Variants in RNF135 observed in about 807,000 individuals in gnomAD.
RNF135 encodes the protein ring finger protein 135.
In RNF135, 46 loss-of-function variants were observed where a neutral mutation model predicts 41.9. That is an observed-to-expected ratio of 1.10 (90% confidence interval 0.87 to 1.40). The LOEUF (loss-of-function observed/expected upper bound fraction) is 1.40. Ranked by LOEUF, RNF135 falls within the 40% of genes most tolerant of loss-of-function variation. The pLI, the probability that RNF135 is intolerant of heterozygous loss-of-function variation, is 0.00. For missense variants in RNF135, 539 were observed against 549.8 expected (o/e 0.98, Z 0.20); for synonymous variants, 238 against 223.8 (o/e 1.06, Z -0.57).
chr17:30,975,560 A>G (rs1398351764), intron 1 of RNF135: 3 of 787,406 alleles, frequency 3.8e-6, no homozygotes, highest in South Asian at 1.3e-5. Context: ...ACACCCAACA[A>G]TACTCCAGGT....
intron 3 of RNF135, chr17:30,993,843 C>T (rs1908154949): frequency 1.1e-5 from 9 of 840,208 alleles, no homozygotes; most frequent in Non-Finnish European, 1.7e-5. Flanking sequence ...GACACAGGTT[C>T]TCTGTTGCCC....
chr17:30,986,360 C>A (rs1254219988), intron 2 of RNF135, among the ~76,000 whole-genome samples: 1 of 152,126 alleles, frequency 6.6e-6, no homozygotes, highest in Non-Finnish European at 1.5e-5. Flanking sequence ...CCACTCCTGG[C>A]TAATTTTTGT....
At chr17:30,990,619 A>G (rs535207241) in intron 3 of RNF135, among the ~76,000 whole-genome samples, 11 of 152,260 alleles carry the variant, frequency 7.2e-5, no homozygotes, top group Non-Finnish European at 1.2e-4. Context: ...CACCACTTTT[A>G]TTACCGTTTT....
intron 3 of RNF135, among the ~76,000 whole-genome samples, chr17:30,991,911 A>G (rs1405310142): frequency 1.3e-5 from 2 of 151,762 alleles, no homozygotes; most frequent in Non-Finnish European, 2.9e-5. Context: ...ATAATGCCAT[A>G]TAGACATTTT....
chr17:30,967,362 T>G (rs1476152558), upstream of RNF135, among the ~76,000 whole-genome samples: 2 of 152,224 alleles, frequency 1.3e-5, no homozygotes, highest in African/African-American at 4.8e-5. Flanking sequence ...TGAGCCCATC[T>G]GTCTTATTAA....
intron 2 of RNF135, among the ~76,000 whole-genome samples, chr17:30,986,881 T>G (rs1247290920): frequency 6.6e-6 from 1 of 152,250 alleles, no homozygotes; most frequent in Non-Finnish European, 1.5e-5. Flanking sequence ...GAATTTCATC[T>G]TCTTTTGTAA....
Position 30,971,317 on chromosome 17 carries a change from G to C in RNF135, c.244G>C (p.Ala82Pro), listed in dbSNP as rs1407537062. 1.3e-6 allele frequency: 2 copies of C among 1,533,892 alleles called. No individual in the cohort carries two copies. The highest frequency in any genetic ancestry group is 1.7e-6 in the Non-Finnish European group (2 of 1,143,608). The change falls in exon 1 of 5, where the codon GCC becomes CCC. Residue 82 changes from alanine to proline, a missense_variant. Transcript: ENST00000328381. ...LRKNTLLQDL[A>P]DKYRRAAREI... The stretch of plus-strand genomic sequence containing the variant: ...GAAGAACACGCTACTGCAGGACCTG[G>C]CCGACAAGTACCGCCGCGCCGCACG...
At position 30,971,128 on chromosome 17, in the gene RNF135, C is replaced by G. The variant is rs534146867; in HGVS notation, c.55C>G (p.Leu19Val). The change falls in exon 1 of 5, where the codon CTC (leucine) becomes GTC (valine). Residue 19 changes from leucine to valine, a missense_variant. Physicochemically the swap from Leu to Val is conservative, Grantham distance 32 (BLOSUM62 1). Around this residue, in one of 2 missense-constraint regions of RNF135, gnomAD observed 277 missense variants for 212.8 expected, o/e 1.30. Transcript: ENST00000328381. ...TCCCGTGTGGCTGGCCGAGGACGAC[C>G]TCGGCTGCATCATCTGCCAGGGGCT... Reference protein sequence around the residue: ...AVPVWLAEDDLGCIICQGLLD... With the variant: ...AVPVWLAEDDVGCIICQGLLD... 1.6e-5 allele frequency: 25 copies of G among 1,534,254 alleles called. No individual in the cohort carries two copies. In the African/African-American group the frequency reaches 3.0e-4, roughly 18 times the overall value.
chr17:30,980,470 C>G (rs1907021888), intron 1 of RNF135, among the ~76,000 whole-genome samples: 2 of 139,118 alleles, frequency 1.4e-5, no homozygotes, highest in Middle Eastern at 3.9e-3. Context: ...CCCCTCACCT[C>G]CCGGACGGGG....
chr17:30,999,333 C>G lies in RNF135; in HGVS notation c.*142C>G. The stretch of plus-strand genomic sequence containing the variant: ...CTCACTAGGTTGCCCAGGCTGGTGT[C>G]GAATTCCTGGTCTCAAGCAGTCCTC... On this transcript the variant is annotated 3_prime_UTR_variant, in exon 5 of 5. Transcript: ENST00000328381. 1 of 925,066 alleles carries G rather than the reference C, an allele frequency of 1.1e-6. No homozygotes were observed. Among genetic ancestry groups the G allele is most frequent in the Non-Finnish European group, 1.7e-6 (1 of 603,096 alleles). 57.3% of individuals were successfully genotyped at this position (925,066 alleles called of 1,614,324 possible). A position where few individuals can be genotyped will look rare whatever the true frequency, so the allele number is the denominator to read the frequency against.
chr17:30,974,617 T>G (rs1289342316), intron 1 of RNF135, among the ~76,000 whole-genome samples: 1 of 151,646 alleles, frequency 6.6e-6, no homozygotes, highest in East Asian at 1.9e-4. Flanking sequence ...TTTAAGTGTA[T>G]AAGTCTTTCA....
intron 1 of RNF135, chr17:30,979,142 C>A: frequency 6.0e-6 from 1 of 165,564 alleles, no homozygotes; most frequent in South Asian, 1.1e-4. Flanking sequence ...CAGACGGGGT[C>A]GTGGCCGGGC....
Position 30,999,619 on chromosome 17 carries a change from T to G in RNF135, c.*428T>G. The stretch of plus-strand genomic sequence containing the variant: ...GCAGTATCAGCTTGACCTTGCAAGG[T>G]CAAGCTGAGGAGACTAAGTTAGCCA... On this transcript the variant is annotated 3_prime_UTR_variant, in exon 5 of 5. Transcript: ENST00000328381. 5.1e-6 allele frequency: 1 copy of G among 197,364 alleles called. No individual in the cohort carries two copies. Among genetic ancestry groups the G allele is most frequent in the Non-Finnish European group, 1.1e-5 (1 of 93,694 alleles). 12.2% of individuals were successfully genotyped at this position (197,364 alleles called of 1,614,324 possible).
At chr17:30,962,356 A>C in the RNF135 span, among the ~76,000 whole-genome samples, 1 of 151,676 alleles carries the variant, frequency 6.6e-6, no homozygotes, top group East Asian at 1.9e-4. Context: ...ATGGTCTTGA[A>C]TTCTTGACCT....
At chr17:30,989,590 T>C (rs1907843502) in intron 3 of RNF135, among the ~76,000 whole-genome samples, 1 of 152,242 alleles carries the variant, frequency 6.6e-6, no homozygotes, top group South Asian at 2.1e-4. Flanking sequence ...TTCTTCCTCC[T>C]GCTCTGGCCA....
At position 30,971,072 on chromosome 17, in the gene RNF135, C is replaced by G; in HGVS notation, c.-2C>G. On this transcript the variant is annotated 5_prime_UTR_variant, in exon 1 of 5. Transcript: ENST00000328381. ...CGTCCGCGCCCCGGCCGCCTGTTGGCCATGGCGGGCCTGGGCCTGGGCTCC... is the reference window on the plus strand; with the variant it reads ...CGTCCGCGCCCCGGCCGCCTGTTGGGCATGGCGGGCCTGGGCCTGGGCTCC... The G allele has an allele frequency of 6.5e-7, 1 of 1,534,170 alleles. No individual in the cohort carries two copies. The highest frequency in any genetic ancestry group is 8.7e-7 in the Non-Finnish European group (1 of 1,146,032).
intron 1 of RNF135, chr17:30,980,091 C>T (rs1906951990): frequency 6.9e-6 from 1 of 144,426 alleles, no homozygotes; most frequent in Admixed American, 6.7e-5. Flanking sequence ...GGCTGACTCC[C>T]CCACCTCCCT....
intron 1 of RNF135, among the ~76,000 whole-genome samples, chr17:30,982,144 C>G (rs563715050): frequency 6.6e-6 from 1 of 152,344 alleles, no homozygotes; most frequent in South Asian, 2.1e-4. Flanking sequence ...CACATTCACC[C>G]AGGCTCGGGG....
In RNF135 at chr17:30,971,642, C is replaced by T. The variant is rs556242606; in HGVS notation, c.372+197C>T. 7.8e-5 allele frequency: 106 copies of T among 1,352,760 alleles called. No individual in the cohort carries two copies. The African/African-American group carries it at 1.3e-3, about 17-fold the overall frequency. The allele number at this position is 1,352,760 out of a possible 1,614,324, so 83.8% of individuals were successfully genotyped here. A position where few individuals can be genotyped will look rare whatever the true frequency, so the allele number is the denominator to read the frequency against. Reference sequence around the variant, plus strand: ...TGAAGAAGTAGAAAAAAACAAATTCCCCATCTTCCGAAAGCTTGTCAACTT... The same window carrying T: ...TGAAGAAGTAGAAAAAAACAAATTCTCCATCTTCCGAAAGCTTGTCAACTT... On this transcript the variant is annotated intron_variant, in intron 1 of 4. Transcript: ENST00000328381.
Sources: allele counts gnomAD v4.1 joint callset (sites outside exome capture counted in the v4.1 genomes callset), GRCh38; gene constraint gnomAD v4.1.1; regional missense constraint gnomAD v4.1.1; transcripts MANE v1.5; gene names NCBI Gene and HGNC (gene_info 2026-07-23, HGNC 2026-07-21).